CNST: variants seen among roughly 807,000 people sequenced by gnomAD.
CNST encodes the protein consortin.
A neutral mutation model predicts 72.4 loss-of-function variants in CNST; 39 were observed. The ratio of observed to expected loss-of-function variants is 0.54; its 90% CI spans 0.42 to 0.70. The LOEUF is 0.70. Ranked by LOEUF, CNST falls within the 30% of genes least tolerant of loss-of-function variation. The pLI, the probability that CNST is intolerant of heterozygous loss-of-function variation, is 0.00. For missense variants in CNST, 871 were observed against 868.5 expected (o/e 1.00, Z -0.04); for synonymous variants, 332 against 320.1 (o/e 1.04, Z -0.40).
Position 246,591,772 on chromosome 1 carries a change from T to A in CNST, c.210T>A (p.Asn70Lys). 6.2e-7 allele frequency: 1 copy of A among 1,614,094 alleles called. No individual in the cohort carries two copies. Among genetic ancestry groups the A allele is most frequent in the African/African-American group, 1.3e-5 (1 of 75,024 alleles). The change falls in exon 2 of 11, where the codon AAT becomes AAA. Residue 70 changes from asparagine to lysine, a missense_variant. Coordinates refer to ENST00000366513, the MANE Select transcript of CNST (RefSeq NM_152609.3). ...KPQVSEQDSLNNNESCTLSCE... is the reference protein window; with the variant it reads ...KPQVSEQDSLKNNESCTLSCE... ...AAGTGTCTGAGCAGGACAGTCTCAA[T>A]AATAATGAAAGCTGCACATTGAGCT...
intron 1 of CNST, among the ~76,000 whole-genome samples, chr1:246,577,015 ATTAGG>A (rs1422886601): frequency 6.6e-6 from 1 of 152,012 alleles, no homozygotes; most frequent in Admixed American, 6.6e-5. Context: ...TAAAAATTGG[ATTAGG>A]TTTTTATGTT....
At chr1:246,634,856 G>A (rs925519714) in intron 6 of CNST, among the ~76,000 whole-genome samples, 2 of 152,070 alleles carry the variant, frequency 1.3e-5, no homozygotes, top group Non-Finnish European at 2.9e-5. Context: ...ACGTGAGGAC[G>A]GGGCAGGGGT....
At chr1:246,580,186 T>C (rs1328403578) in intron 1 of CNST, among the ~76,000 whole-genome samples, 1 of 152,128 alleles carries the variant, frequency 6.6e-6, no homozygotes, top group African/African-American at 2.4e-5. Flanking sequence ...CAGTTTTCTC[T>C]TTTATTGATG....
chr1:246,658,511 C>T (rs879407086), intron 9 of CNST, among the ~76,000 whole-genome samples: 1 of 151,984 alleles, frequency 6.6e-6, no homozygotes, highest in Non-Finnish European at 1.5e-5. Context: ...GACCCACATT[C>T]AGGGAAGCAT....
intron 1 of CNST, chr1:246,569,975 T>C: frequency 1.1e-6 from 1 of 941,290 alleles, no homozygotes; most frequent in Non-Finnish European, 1.3e-6. Flanking sequence ...AGAGTTATTT[T>C]CTGAGTCAGT....
At chr1:246,644,544 T>C (rs1665927194) in intron 8 of CNST, among the ~76,000 whole-genome samples, 1 of 152,188 alleles carries the variant, frequency 6.6e-6, no homozygotes, top group Admixed American at 6.5e-5. Context: ...CTGCTCCTGG[T>C]TGGAGTTAGC....
intron 9 of CNST, among the ~76,000 whole-genome samples, chr1:246,659,310 C>T (rs1666936250): frequency 6.6e-6 from 1 of 152,104 alleles, no homozygotes; most frequent in South Asian, 2.1e-4. Context: ...GTAATATGTC[C>T]CAGGCCGGGT....
At chr1:246,573,742 G>A (rs1346822605) in intron 1 of CNST, among the ~76,000 whole-genome samples, 1 of 152,182 alleles carries the variant, frequency 6.6e-6, no homozygotes, top group Non-Finnish European at 1.5e-5. Flanking sequence ...CATATTCTAA[G>A]AATATCTGTT....
chr1:246,585,452 GCCTGTCCAACATGGCGAAAC>G (rs1661075785), intron 1 of CNST, among the ~76,000 whole-genome samples: 3 of 151,860 alleles, frequency 2.0e-5, no homozygotes, highest in African/African-American at 7.3e-5. Context: ...TTCGAGATCA[GCCTGTCCAACATGGCGAAAC>G]CCTGCATGTA....
At chr1:246,611,558 T>C (rs1663318630) in intron 2 of CNST, among the ~76,000 whole-genome samples, 4 of 152,158 alleles carry the variant, frequency 2.6e-5, no homozygotes, top group Admixed American at 2.6e-4. Context: ...ATTTAGAAAC[T>C]CAAACCAATT....
At chr1:246,602,757 G>T (rs1209097731) in intron 2 of CNST, among the ~76,000 whole-genome samples, 1 of 152,126 alleles carries the variant, frequency 6.6e-6, no homozygotes, top group Non-Finnish European at 1.5e-5. Context: ...TCAGATTGTG[G>T]CAAGGACCCC....
At position 246,665,895 on chromosome 1, in the gene CNST, A is replaced by G. The variant is rs763149198; in HGVS notation, c.2168A>G (p.Tyr723Cys). The G allele has an allele frequency of 6.2e-7, 1 of 1,610,428 alleles. No homozygotes were observed. Among genetic ancestry groups the G allele is most frequent in the East Asian group, 2.2e-5 (1 of 44,810 alleles). Residue 723 changes from tyrosine to cysteine, a missense_variant, in exon 11 of 11, where the codon TAC becomes TGC. Tyr to Cys is a radical substitution (Grantham distance 194). Coordinates refer to ENST00000366513, the MANE Select transcript of CNST (RefSeq NM_152609.3). ...GTGGCAGAACTGAAGCACTGGATCT[A>G]CCTCTCCTAGCAGCATTCCAGACAC... is the stretch of plus-strand genomic sequence containing the variant. ...QGVAELKHWI[Y>C]LS is the part of the protein sequence containing the mutation.
At chr1:246,630,442 AC>A (rs900708220) in intron 3 of CNST, among the ~76,000 whole-genome samples, 2 of 152,226 alleles carry the variant, frequency 1.3e-5, no homozygotes, top group African/African-American at 4.8e-5. Context: ...ATGGAATCAA[AC>A]TTTATATTAA....
At chr1:246,571,331 G>T (rs774047345) in intron 1 of CNST, among the ~76,000 whole-genome samples, 1 of 152,100 alleles carries the variant, frequency 6.6e-6, no homozygotes, top group Non-Finnish European at 1.5e-5. Flanking sequence ...TGTATTTTTA[G>T]TAGAGACAGG....
intron 9 of CNST, among the ~76,000 whole-genome samples, chr1:246,654,940 A>G (rs2103153199): frequency 6.6e-6 from 1 of 152,274 alleles, no homozygotes; most frequent in Middle Eastern, 3.4e-3. Flanking sequence ...TTCTAGAGGG[A>G]GAGACACGTA....
At chr1:246,572,685 G>A (rs1334972460) in intron 1 of CNST, among the ~76,000 whole-genome samples, 1 of 151,976 alleles carries the variant, frequency 6.6e-6, no homozygotes, top group Non-Finnish European at 1.5e-5. Flanking sequence ...AATAAATAGT[G>A]GAGTTATTTA....
intron 2 of CNST, among the ~76,000 whole-genome samples, chr1:246,610,980 C>T (rs1385285277): frequency 3.3e-5 from 5 of 152,144 alleles, no homozygotes; most frequent in Non-Finnish European, 7.3e-5. Context: ...GATCACCTGA[C>T]AATATTTTCC....
chr1:246,632,060 C>G (rs1664806071), intron 4 of CNST, 136 bp downstream of exon 4: 2 of 558,554 alleles, frequency 3.6e-6, no homozygotes, highest in Admixed American at 6.7e-5. Context: ...GTTGTATGTA[C>G]CCGTGTAACC....
intron 10 of CNST, among the ~76,000 whole-genome samples, chr1:246,664,803 T>C (rs1235786828): frequency 6.6e-6 from 1 of 152,156 alleles, no homozygotes; most frequent in Non-Finnish European, 1.5e-5. Context: ...TACTGCCAAA[T>C]TACCTTCCAA....
Sources: allele counts gnomAD v4.1 joint callset (sites outside exome capture counted in the v4.1 genomes callset), GRCh38; gene constraint gnomAD v4.1.1; transcripts MANE v1.5; gene names NCBI Gene and HGNC (gene_info 2026-07-23, HGNC 2026-07-21).